The following UBR3 variants were observed in gnomAD, a reference collection of about 807,000 sequenced individuals.
The protein encoded by UBR3 is E3 ubiquitin-protein ligase UBR3.
UBR3 carries 85 observed loss-of-function variants against 243.2 expected under a neutral mutation model. That is an observed-to-expected ratio of 0.35 (90% CI 0.29 to 0.42). The LOEUF (loss-of-function observed/expected upper bound fraction) is 0.42, where lower values mean the gene tolerates loss of function less well. Ranked by LOEUF, UBR3 falls within the 10% of genes least tolerant of loss-of-function variation. The pLI is 1.00. For synonymous variants in UBR3, 748 were observed against 799.8 expected, an observed-to-expected ratio of 0.94 and a Z score of 1.09; for missense variants, 1,686 against 2,300.8, an observed-to-expected ratio of 0.73 and a Z score of 5.47.
chr2:170,045,344 G>A (rs926896229), intron 32 of UBR3, among the ~76,000 whole-genome samples: 1 of 152,076 alleles, frequency 6.6e-6, no homozygotes, highest in Admixed American at 6.6e-5. Flanking sequence ...TAAAATTATG[G>A]GAGTTAAAAT....
chr2:170,082,688 T>C lies in UBR3; in HGVS notation c.*845T>C, dbSNP rs2091925425. On this transcript the variant is annotated 3_prime_UTR_variant, in exon 39 of 39. Coordinates refer to ENST00000272793, the MANE Select transcript of UBR3 (RefSeq NM_172070.4). ...TGATTCCGTGCATGCCCACCTTTTA[T>C]TACCAAACAAGGTTTTGTTTATATG... is the stretch of plus-strand genomic sequence containing the variant. 1 of 152,578 alleles carries C rather than the reference T, an allele frequency of 6.6e-6. No individual in the cohort carries two copies. The highest frequency in any genetic ancestry group is 1.5e-5 in the Non-Finnish European group (1 of 68,034). 9.5% of individuals were successfully genotyped at this position (152,578 alleles called of 1,614,324 possible).
Position 169,872,332 on chromosome 2 carries a change from AT to A in UBR3, c.646del (p.Cys216ValfsTer6). 1 of 1,516,694 alleles carries A rather than the reference AT, an allele frequency of 6.6e-7. No individual in the cohort carries two copies. Among genetic ancestry groups the A allele is most frequent in the Non-Finnish European group, 8.9e-7 (1 of 1,119,150 alleles). The allele number at this position is 1,516,694 out of a possible 1,614,324, so 94.0% of individuals were successfully genotyped here. ...MSEFVLPRFI[F>X]CLIQYLREGY... ...CTGAATTTGTTCTTCCAAGATTTAT[AT>A]TTTGTCTTATTCAGTACTTAAGAGA... is the stretch of plus-strand genomic sequence containing the variant. On this transcript the variant is annotated frameshift_variant, in exon 2 of 39. Transcript: ENST00000272793. LOFTEE classifies it high-confidence loss of function.
chr2:169,898,925 T>A (rs1481479377), intron 8 of UBR3, among the ~76,000 whole-genome samples: 2 of 151,874 alleles, frequency 1.3e-5, no homozygotes, highest in African/African-American at 2.4e-5. Flanking sequence ...ATGGTCTCGA[T>A]ATCCTAACCT....
intron 35 of UBR3, among the ~76,000 whole-genome samples, chr2:170,067,683 T>C (rs2091605761): frequency 6.6e-6 from 1 of 152,058 alleles, no homozygotes; most frequent in Non-Finnish European, 1.5e-5. Context: ...AATTAGAAAT[T>C]AATAACAGAT....
chr2:170,014,231 T>G (rs1358533276), intron 29 of UBR3: 4 of 153,768 alleles, frequency 2.6e-5, no homozygotes, highest in Admixed American at 2.0e-4. Context: ...AAATATAATC[T>G]CCAAAAAAGT....
In UBR3 at chr2:169,923,885, T is replaced by C. The variant is rs759944227; in HGVS notation, c.1867-44T>C. 4.8e-6 allele frequency: 7 copies of C among 1,472,438 alleles called. No homozygotes were observed. The African/African-American group carries it at 8.6e-5, about 18-fold the overall frequency. 91.2% of individuals were successfully genotyped at this position (1,472,438 alleles called of 1,614,324 possible). ...CATTTTACAACCATCTTAAAATTTC[T>C]ATAAAATAGTCTTTGACTTGTGCAT... On this transcript the variant is annotated intron_variant, in intron 11 of 38. Transcript: ENST00000272793.
At chr2:169,869,626 C>A (rs1439370155) in intron 1 of UBR3, among the ~76,000 whole-genome samples, 1 of 152,136 alleles carries the variant, frequency 6.6e-6, no homozygotes, top group Non-Finnish European at 1.5e-5. Flanking sequence ...CTGTAATGAA[C>A]TGTAAGTAAC....
chr2:169,941,493 G>A (rs565107132), intron 19 of UBR3, among the ~76,000 whole-genome samples: 1 of 152,304 alleles, frequency 6.6e-6, no homozygotes, highest in East Asian at 1.9e-4. Flanking sequence ...GACCATGGTT[G>A]ACCATGGGTA....
At chr2:169,881,914 T>TAC (rs1387142422) in intron 5 of UBR3, among the ~76,000 whole-genome samples, 47 of 99,170 alleles carry the variant, frequency 4.7e-4, no homozygotes, top group South Asian at 2.1e-3. Context: ...GGTATATGTA[T>TAC]ATGTATACAT....
chr2:169,868,281 T>G (rs2083323361), intron 1 of UBR3, among the ~76,000 whole-genome samples: 1 of 152,208 alleles, frequency 6.6e-6, no homozygotes, highest in Non-Finnish European at 1.5e-5. Flanking sequence ...TCCCATATAT[T>G]AGAGCGTTTC....
chr2:169,838,731 A>C (rs1427370905), intron 1 of UBR3, among the ~76,000 whole-genome samples: 1 of 152,130 alleles, frequency 6.6e-6, no homozygotes. Context: ...GTAACTCCAG[A>C]AGTCTTAACT....
intron 29 of UBR3, chr2:170,015,016 G>C (rs2090193469): frequency 3.6e-6 from 1 of 274,866 alleles, no homozygotes; most frequent in Admixed American, 5.0e-5. Flanking sequence ...TGTGCCAAGA[G>C]TTGGGACTTT....
At chr2:170,024,044 G>C (rs2090461907) in intron 30 of UBR3, among the ~76,000 whole-genome samples, 1 of 152,124 alleles carries the variant, frequency 6.6e-6, no homozygotes, top group Non-Finnish European at 1.5e-5. Flanking sequence ...ATATCTTAAT[G>C]ATCAGTATGA....
intron 19 of UBR3, among the ~76,000 whole-genome samples, chr2:169,940,655 C>G (rs1574249239): frequency 6.6e-6 from 1 of 152,076 alleles, no homozygotes; most frequent in East Asian, 1.9e-4. Flanking sequence ...TTTTCTGGCT[C>G]TCATTTAGAT....
chr2:169,975,232 A>G (rs576881563), intron 24 of UBR3, among the ~76,000 whole-genome samples: 4 of 152,322 alleles, frequency 2.6e-5, no homozygotes, highest in African/African-American at 4.8e-5. Context: ...GTTCAGGAAC[A>G]TGTTATTTAA....
chr2:170,050,819 A>G (rs1039886741), intron 32 of UBR3, among the ~76,000 whole-genome samples: 3 of 152,214 alleles, frequency 2.0e-5, no homozygotes, highest in African/African-American at 7.2e-5. Flanking sequence ...ATAAATAAAC[A>G]TCTGTTAAAT....
Position 169,879,575 on chromosome 2 carries a change from G to A in UBR3, c.1038+1001G>A, listed in dbSNP as rs567266094. On this transcript the variant is annotated intron_variant, in intron 5 of 38. Transcript: ENST00000272793. ...CTTCTGGCTCCTTTACCTATTAGTA[G>A]TGTAACCTTGGGCAAGTGTCTTAAC... is the stretch of plus-strand genomic sequence containing the variant. 3.3e-5 allele frequency among the ~76,000 whole-genome samples: 5 copies of A among 152,202 alleles called. No homozygotes were observed. The South Asian group carries it at 6.2e-4, about 19-fold the overall frequency.
intron 1 of UBR3, among the ~76,000 whole-genome samples, chr2:169,835,724 A>G (rs1301633560): frequency 6.6e-6 from 1 of 152,082 alleles, no homozygotes; most frequent in Non-Finnish European, 1.5e-5. Context: ...TACAGGCGTG[A>G]GCCACCGTGC....
chr2:169,832,516 G>A (rs919860252), intron 1 of UBR3, among the ~76,000 whole-genome samples: 4 of 151,512 alleles, frequency 2.6e-5, no homozygotes. Flanking sequence ...AGCTTGGAGT[G>A]AGATCCCGCC....
Sources: allele counts gnomAD v4.1 joint callset (sites outside exome capture counted in the v4.1 genomes callset), GRCh38; gene constraint gnomAD v4.1.1; transcripts MANE v1.5; gene names NCBI Gene and HGNC (gene_info 2026-07-23, HGNC 2026-07-21).